PLPBP: variants seen among roughly 807,000 people sequenced by gnomAD.
PLPBP encodes the protein pyridoxal phosphate binding protein.
In PLPBP, 21 loss-of-function variants were observed where a neutral mutation model predicts 31.2. That is an observed-to-expected ratio of 0.67 (90% CI 0.48 to 0.97). The LOEUF (loss-of-function observed/expected upper bound fraction) is 0.97, where lower values mean the gene tolerates loss of function less well. Among genes scored for constraint, PLPBP ranks in the 50% least tolerant of loss-of-function variants. PLPBP has a pLI of 0.00. For missense variants in PLPBP, 308 were observed against 354.4 expected, an observed-to-expected ratio of 0.87 and a Z score of 1.05; for synonymous variants, 124 against 135.6, an observed-to-expected ratio of 0.91 and a Z score of 0.59.
chr8:37,772,641 T>G, intron 4 of PLPBP, 114 bp from the exon 5 acceptor site: 1 of 1,264,458 alleles, frequency 7.9e-7, no homozygotes, highest in Non-Finnish European at 1.1e-6. Flanking sequence ...GAGATTTAAC[T>G]GTGTTTTTCT....
intron 7 of PLPBP, among the ~76,000 whole-genome samples, chr8:37,777,324 C>T (rs1803938500): frequency 2.6e-5 from 4 of 152,070 alleles, no homozygotes; most frequent in Admixed American, 2.6e-4. Flanking sequence ...ATATTTTTTT[C>T]ATCTACCTGA....
intron 6 of PLPBP, 74 bp downstream of exon 6, chr8:37,775,555 C>T: frequency 6.3e-7 from 1 of 1,593,002 alleles, no homozygotes; most frequent in Non-Finnish European, 8.6e-7. Context: ...GGGCTGGCTG[C>T]AGTGGGGATT....
intron 3 of PLPBP, 70 bp from the exon 4 acceptor site, chr8:37,766,210 G>A (rs2129776856): frequency 2.6e-6 from 3 of 1,132,140 alleles, no homozygotes; most frequent in South Asian, 2.7e-5. Flanking sequence ...GACAGGGAGT[G>A]CACGAGGCGT....
rs748464872 is a variant in PLPBP, at chr8:37,778,062, A to G, written c.786A>G (p.Ala262=). The G allele has an allele frequency of 2.5e-6, 4 of 1,613,824 alleles. No individual in the cohort carries two copies. The highest frequency in any genetic ancestry group is 3.4e-6 in the Non-Finnish European group (4 of 1,179,762). Residue 262 remains alanine, a synonymous_variant, in exon 8 of 8, where the codon GCA becomes GCG. Transcript: ENST00000328195. ...YSKKPTPDKC[A]ADVKAPLEVA... ...AGAAACCCACCCCGGACAAGTGCGC[A>G]GCAGACGTGAAGGCCCCGCTGGAGG...
Position 37,776,764 on chromosome 8 carries a change from ATGTT to A in PLPBP, c.696+758_696+761del, listed in dbSNP as rs1302805331. On this transcript the variant is annotated intron_variant, in intron 7 of 7. Transcript: ENST00000328195. ...TCACGATGAAGCAGCCTAAGGCTTC[ATGTT>A]TGTTTGTTTTTTTTTGGAGACTGAG... is the stretch of plus-strand genomic sequence containing the variant. Among the ~76,000 whole-genome samples the A allele has an allele frequency of 3.3e-5, 5 of 152,126 alleles. No homozygotes were observed. The South Asian group carries it at 1.0e-3, about 32-fold the overall frequency.
Position 37,777,957 on chromosome 8 carries a change from C to G in PLPBP, c.697-16C>G. 1 of 1,606,578 alleles carries G rather than the reference C, an allele frequency of 6.2e-7. No homozygotes were observed. The stretch of plus-strand genomic sequence containing the variant: ...TTTTAAACCTGGTCCTCGATACCTT[C>G]TCTTTTTTCCCACAGGTTGAAGTAG... On this transcript the variant is annotated splice_polypyrimidine_tract_variant and intron_variant, in intron 7 of 7. Coordinates refer to ENST00000328195, the MANE Select transcript of PLPBP (RefSeq NM_007198.4).
At chr8:37,771,012 A>G (rs1803757211) in intron 4 of PLPBP, among the ~76,000 whole-genome samples, 1 of 152,190 alleles carries the variant, frequency 6.6e-6, no homozygotes, top group Non-Finnish European at 1.5e-5. Context: ...TACTCATTCA[A>G]CCTCACAGCT....
chr8:37,776,297 G>A (rs909582949), intron 7 of PLPBP, among the ~76,000 whole-genome samples: 1 of 151,802 alleles, frequency 6.6e-6, no homozygotes, highest in Non-Finnish European at 1.5e-5. Context: ...CCAACATGGT[G>A]AAACCCCGTC....
At chr8:37,773,167 G>C (rs999106575) in intron 5 of PLPBP, among the ~76,000 whole-genome samples, 3 of 150,674 alleles carry the variant, frequency 2.0e-5, no homozygotes, top group Non-Finnish European at 4.4e-5. Flanking sequence ...ACTTCGTTTT[G>C]TATTTTTGTT....
At position 37,762,730 on chromosome 8, in the gene PLPBP, T is replaced by A; in HGVS notation, c.71T>A (p.Val24Glu). The A allele has an allele frequency of 7.6e-6, 12 of 1,584,062 alleles. No individual in the cohort carries two copies. Among genetic ancestry groups the A allele is most frequent in the Non-Finnish European group, 1.0e-5 (12 of 1,170,684 alleles). Residue 24 changes from valine to glutamate, a missense_variant, in exon 1 of 8, where the codon GTG (valine) becomes GAG (glutamate). Around this residue, in one of 2 missense-constraint regions of PLPBP, gnomAD observed 120 missense variants for 95.1 expected, o/e 1.26. Transcript: ENST00000328195. ...GCATTGCGGGCGGTGAACGAGCGCGTGCAGCAGGCTGTGGCGCGGCGGCCG... is the reference window on the plus strand; with the variant it reads ...GCATTGCGGGCGGTGAACGAGCGCGAGCAGCAGGCTGTGGCGCGGCGGCCG... ...GCALRAVNER[V>E]QQAVARRPRD...
Position 37,765,548 on chromosome 8 carries a change from G to T in PLPBP, c.122G>T (p.Arg41Leu). 1 of 1,613,878 alleles carries T rather than the reference G, an allele frequency of 6.2e-7. No homozygotes were observed. The highest frequency in any genetic ancestry group is 8.5e-7 in the Non-Finnish European group (1 of 1,179,890). ...RPRDLPAIQP[R>L]LVAVSKTKPA... ...CAGGATCTCCCAGCCATCCAGCCCCGGCTAGTGGCGGTCAGCAAAACCAAA... is the reference window on the plus strand; with the variant it reads ...CAGGATCTCCCAGCCATCCAGCCCCTGCTAGTGGCGGTCAGCAAAACCAAA... Residue 41 changes from arginine (R) to leucine (L), a missense_variant, in exon 2 of 8, where the codon CGG becomes CTG. Physicochemically the swap from Arg to Leu is moderately radical, Grantham distance 102 (BLOSUM62 -2). Transcript: ENST00000328195.
intron 7 of PLPBP, among the ~76,000 whole-genome samples, chr8:37,776,987 G>C (rs775078049): frequency 2.6e-5 from 4 of 152,052 alleles, no homozygotes; most frequent in Non-Finnish European, 4.4e-5. Context: ...GGCTGGTCTC[G>C]AACTCCTGAC....
At chr8:37,763,218 G>C (rs901167357) in intron 1 of PLPBP, among the ~76,000 whole-genome samples, 5 of 152,214 alleles carry the variant, frequency 3.3e-5, no homozygotes, top group Admixed American at 6.5e-5. Context: ...GCCGAGGTGA[G>C]GGTGGACTGG....
At chr8:37,766,159 A>G (rs1170281289) in intron 3 of PLPBP, 121 bp from the exon 4 acceptor site, 1 of 732,432 alleles carries the variant, frequency 1.4e-6, no homozygotes, top group Admixed American at 2.6e-5. Flanking sequence ...AGATTGTGAT[A>G]GTTTATTACA....
rs1263836953 is a variant in PLPBP, at chr8:37,776,430, C to T, written c.696+414C>T. ...GGCGGAGATTGCAGTGAGCCGAGGT[C>T]GCGCCACTGCACTCCAGCCTGGCTG... On this transcript the variant is annotated intron_variant, in intron 7 of 7. Transcript: ENST00000328195. Among the ~76,000 whole-genome samples the T allele has an allele frequency of 2.1e-5, 3 of 141,644 alleles. No homozygotes were observed. In the South Asian group the frequency reaches 6.9e-4, roughly 32 times the overall value. 92.9% of individuals were successfully genotyped at this position (141,644 alleles called of 152,430 possible).
chr8:37,776,703 T>G (rs746767677), intron 7 of PLPBP, among the ~76,000 whole-genome samples: 32 of 152,098 alleles, frequency 2.1e-4, no homozygotes, highest in Non-Finnish European at 4.0e-4. Context: ...GGCATTTCAT[T>G]ACGTAAGTGC....
At chr8:37,773,264 T>C (rs1324115152) in intron 5 of PLPBP, among the ~76,000 whole-genome samples, 1 of 151,186 alleles carries the variant, frequency 6.6e-6, no homozygotes, top group Middle Eastern at 3.2e-3. Context: ...GCCTCCCGGG[T>C]TGAAGCAATT....
intron 1 of PLPBP, among the ~76,000 whole-genome samples, chr8:37,763,339 C>T (rs939910408): frequency 2.0e-5 from 3 of 152,180 alleles, no homozygotes; most frequent in South Asian, 2.1e-4. Flanking sequence ...TATATTACAT[C>T]CTCTTGGACT....
At position 37,778,258 on chromosome 8, in the gene PLPBP, T is replaced by C. The variant is rs1418129896; in HGVS notation, c.*154T>C. ...AACCATCTGTGCTTAGTCTCTGACA[T>C]AGGAAGCTTGCTTCAGGCAATGGCT... On this transcript the variant is annotated 3_prime_UTR_variant, in exon 8 of 8. Transcript: ENST00000328195. 8 of 935,552 alleles carry C rather than the reference T, an allele frequency of 8.6e-6. No homozygotes were observed. The East Asian group carries it at 2.2e-4, about 25-fold the overall frequency. The allele number at this position is 935,552 out of a possible 1,614,324, so 58.0% of individuals were successfully genotyped here.
Sources: allele counts gnomAD v4.1 joint callset (sites outside exome capture counted in the v4.1 genomes callset), GRCh38; gene constraint gnomAD v4.1.1; regional missense constraint gnomAD v4.1.1; transcripts MANE v1.5; gene names NCBI Gene and HGNC (gene_info 2026-07-23, HGNC 2026-07-21).